The following CD82 variants were observed in gnomAD, a reference collection of about 807,000 sequenced individuals.
CD82 encodes the protein CD82 antigen.
CD82 carries 36 observed loss-of-function variants against 37.4 expected under a neutral mutation model. The ratio of observed to expected loss-of-function variants is 0.96; its 90% CI spans 0.74 to 1.27. The LOEUF (loss-of-function observed/expected upper bound fraction) is 1.27, where lower values mean the gene tolerates loss of function less well. Ranked by LOEUF, CD82 falls within the 50% of genes most tolerant of loss-of-function variation. The pLI is 0.00. For synonymous variants in CD82, 158 were observed against 137.4 expected, an observed-to-expected ratio of 1.15 and a Z score of -1.05; for missense variants, 340 against 347.0, an observed-to-expected ratio of 0.98 and a Z score of 0.16.
intron 2 of CD82, among the ~76,000 whole-genome samples, chr11:44,594,136 T>G (rs1223453331): frequency 6.6e-6 from 1 of 152,246 alleles, no homozygotes; most frequent in Non-Finnish European, 1.5e-5. Flanking sequence ...CCCTTTGTAA[T>G]AAGAAGCTGG....
At chr11:44,569,325 T>C (rs867164566) in intron 1 of CD82, among the ~76,000 whole-genome samples, 14 of 152,100 alleles carry the variant, frequency 9.2e-5, no homozygotes, top group African/African-American at 2.9e-4. Context: ...GCTGGCTGGT[T>C]CCTGACTCAC....
intron 1 of CD82, among the ~76,000 whole-genome samples, chr11:44,569,708 C>T (rs1401327019): frequency 6.6e-6 from 1 of 152,142 alleles, no homozygotes; most frequent in Non-Finnish European, 1.5e-5. Context: ...CCTATTTTTA[C>T]CTTGTTTCCC....
chr11:44,612,225 T>C (rs2134686712), intron 6 of CD82, among the ~76,000 whole-genome samples: 1 of 152,378 alleles, frequency 6.6e-6, no homozygotes, highest in Non-Finnish European at 1.5e-5. Context: ...TAAAGCTTAA[T>C]AGGTAAAAAC....
chr11:44,594,518 G>A (rs767664954), intron 2 of CD82, 125 bp from the exon 3 acceptor site: 92 of 670,096 alleles, frequency 1.4e-4, no homozygotes, highest in Non-Finnish European at 2.4e-4. Context: ...TGGGCTAGTT[G>A]TCTAACCTCT....
At chr11:44,581,729 C>T (rs1342350085) in intron 1 of CD82, among the ~76,000 whole-genome samples, 1 of 152,184 alleles carries the variant, frequency 6.6e-6, no homozygotes, top group Non-Finnish European at 1.5e-5. Flanking sequence ...TGGGAGGCCC[C>T]TGGGAGGGCA....
chr11:44,599,765 C>T (rs927470505), intron 3 of CD82, among the ~76,000 whole-genome samples: 2 of 152,238 alleles, frequency 1.3e-5, no homozygotes. Flanking sequence ...TGTTCAAGTC[C>T]ACGGAGGGTC....
intron 2 of CD82, among the ~76,000 whole-genome samples, chr11:44,592,624 C>T (rs1482151541): frequency 6.6e-6 from 1 of 152,150 alleles, no homozygotes; most frequent in Non-Finnish European, 1.5e-5. Context: ...AATAGCTATC[C>T]TTGATGTAGT....
intron 4 of CD82, among the ~76,000 whole-genome samples, chr11:44,602,540 G>C (rs1308018931): frequency 6.6e-6 from 1 of 152,204 alleles, no homozygotes; most frequent in African/African-American, 2.4e-5. Context: ...GAAAGAAATA[G>C]TAAATGGCTT....
At chr11:44,591,922 C>T (rs1012931490) in intron 2 of CD82, among the ~76,000 whole-genome samples, 21 of 152,048 alleles carry the variant, frequency 1.4e-4, no homozygotes, top group Admixed American at 6.6e-4. Flanking sequence ...TGGGTTCAAG[C>T]GATTCTTGTG....
chr11:44,610,636 A>T lies in CD82; in HGVS notation c.337-4636A>T, dbSNP rs547833183. On this transcript the variant is annotated intron_variant, in intron 6 of 9. Coordinates refer to ENST00000227155, the MANE Select transcript of CD82 (RefSeq NM_002231.4). ...CGAGGCTAAGATCCCGGGTCCCTGGAGCTGCACAGATCAAGGTCTGGTCAT... is the reference window on the plus strand; with the variant it reads ...CGAGGCTAAGATCCCGGGTCCCTGGTGCTGCACAGATCAAGGTCTGGTCAT... Among the ~76,000 whole-genome samples, 24 of 152,014 alleles carry T rather than the reference A, an allele frequency of 1.6e-4. No individual in the cohort carries two copies. The South Asian group carries it at 1.7e-3, about 11-fold the overall frequency.
rs538653851 is a variant in CD82, at chr11:44,602,259, C to T, written c.136+2029C>T. Among the ~76,000 whole-genome samples the T allele has an allele frequency of 8.9e-4, 135 of 152,272 alleles. 1 individual carries two copies. The highest frequency in any genetic ancestry group is 3.0e-3 in the African/African-American group (124 of 41,542). ...AGACTCTAGCCTGACTGCTGGGGTT[C>T]GATTCACGGCGGTGCTGTCCACTAG... On this transcript the variant is annotated intron_variant, in intron 4 of 9. Transcript: ENST00000227155.
chr11:44,606,441 TG>T (rs1853397204), intron 6 of CD82: 1 of 124,202 alleles, frequency 8.1e-6, no homozygotes, highest in African/African-American at 3.2e-5. Context: ...AAACAGAGCT[TG>T]GGGCAACAGA....
chr11:44,609,202 G>A (rs1389290020), intron 6 of CD82, among the ~76,000 whole-genome samples: 1 of 152,210 alleles, frequency 6.6e-6, no homozygotes, highest in Non-Finnish European at 1.5e-5. Context: ...GCTGATTGCT[G>A]TGTGGCTTCG....
intron 1 of CD82, among the ~76,000 whole-genome samples, chr11:44,579,562 C>G (rs1266272887): frequency 6.6e-6 from 1 of 152,102 alleles, no homozygotes; most frequent in Non-Finnish European, 1.5e-5. Flanking sequence ...TCTCTCACTC[C>G]CCGCTCTGTA....
intron 1 of CD82, among the ~76,000 whole-genome samples, chr11:44,575,406 G>A (rs1175475715): frequency 6.6e-6 from 1 of 152,216 alleles, no homozygotes; most frequent in African/African-American, 2.4e-5. Flanking sequence ...AGTCAGTGGG[G>A]GAAAGTTTCT....
At position 44,597,648 on chromosome 11, in the gene CD82, G is replaced by C. The variant is rs1292845749; in HGVS notation, c.64-2510G>C. On this transcript the variant is annotated intron_variant, in intron 3 of 9. Transcript: ENST00000227155. The surrounding 1 kb of genome is among the most constrained non-coding windows in gnomAD (Gnocchi z 4.1). ...TTTTGATCTACTTGGGATTATGTGTGCCAAGAGGGGATTTTCTGTCCTGCC... is the reference window on the plus strand; with the variant it reads ...TTTTGATCTACTTGGGATTATGTGTCCCAAGAGGGGATTTTCTGTCCTGCC... Among the ~76,000 whole-genome samples the C allele has an allele frequency of 6.6e-6, 1 of 152,244 alleles. No homozygotes were observed. Among genetic ancestry groups the C allele is most frequent in the Non-Finnish European group, 1.5e-5 (1 of 68,032 alleles).
At chr11:44,608,168 G>GTT in intron 6 of CD82, 1 of 152,288 alleles carries the variant, frequency 6.6e-6, no homozygotes, top group Middle Eastern at 3.4e-3. Context: ...CTCTTGATGT[G>GTT]TTTATTCTGG....
chr11:44,605,553 C>T (rs1853382162), intron 6 of CD82, 124 bp downstream of exon 6: 2 of 846,460 alleles, frequency 2.4e-6, no homozygotes, highest in Non-Finnish European at 3.8e-6. Flanking sequence ...GTGTCAGGGA[C>T]GGCCTCCTGG....
At position 44,615,311 on chromosome 11, in the gene CD82, C is replaced by A. The variant is rs1248735795; in HGVS notation, c.376C>A (p.Arg126=). ...EMGGIVTELI[R]DYNSSREDSL... Reference sequence around the variant, plus strand: ...GGGCGGCATCGTGACTGAGCTCATTCGAGACTACAACAGCAGTCGCGAGGA... The same window carrying A: ...GGGCGGCATCGTGACTGAGCTCATTAGAGACTACAACAGCAGTCGCGAGGA... The change falls in exon 7 of 10, where the codon CGA becomes AGA. Residue 126 remains arginine, a synonymous_variant. Transcript: ENST00000227155. 6.2e-7 allele frequency: 1 copy of A among 1,613,406 alleles called. No individual in the cohort carries two copies. Among genetic ancestry groups the A allele is most frequent in the East Asian group, 2.2e-5 (1 of 44,882 alleles).
Sources: gnomAD v4.1 joint callset for allele counts (sites outside exome capture counted in the v4.1 genomes callset) on GRCh38, gnomAD v4.1.1 for gene constraint, Gnocchi (gnomAD v3.1) non-coding constraint, MANE v1.5 for transcripts, NCBI Gene and HGNC (gene_info 2026-07-23, HGNC 2026-07-21) for gene names.